The following EBF2 variants were observed in gnomAD, a reference collection of about 807,000 sequenced individuals.
EBF2 encodes the protein EBF transcription factor 2.
Under a neutral mutation model 72.8 loss-of-function variants are expected in EBF2, and 21 were observed. The observed-to-expected ratio is 0.29, with a 90% confidence interval of 0.20 to 0.42. EBF2 has a LOEUF of 0.42. Among genes scored for constraint, EBF2 ranks in the 10% least tolerant of loss-of-function variants. The probability of loss-of-function intolerance (pLI) is 1.00; values close to 1 mark genes in which losing one functional copy is unlikely to be tolerated. For synonymous variants in EBF2, 299 were observed against 274.2 expected, an observed-to-expected ratio of 1.09 and a Z score of -0.89; for missense variants, 637 against 731.2, an observed-to-expected ratio of 0.87 and a Z score of 1.49.
intron 6 of EBF2, among the ~76,000 whole-genome samples, chr8:26,000,089 C>A (rs913625681): frequency 3.3e-5 from 5 of 152,172 alleles, no homozygotes; most frequent in African/African-American, 7.2e-5. Flanking sequence ...CAGGATATTT[C>A]TGGAGTCCTA....
At chr8:25,873,124 T>C (rs1446932843) in intron 10 of EBF2, among the ~76,000 whole-genome samples, 1 of 152,222 alleles carries the variant, frequency 6.6e-6, no homozygotes, top group Non-Finnish European at 1.5e-5. Flanking sequence ...CTACGTTAAA[T>C]TCACACTTAA....
intron 10 of EBF2, among the ~76,000 whole-genome samples, chr8:25,875,361 G>A (rs1438349356): frequency 2.0e-5 from 3 of 152,124 alleles, no homozygotes; most frequent in Admixed American, 6.5e-5. Flanking sequence ...TTAGAAAAAT[G>A]GCACAAAGAA....
Position 25,983,159 on chromosome 8 carries a change from T to C in EBF2, c.551+49926A>G, listed in dbSNP as rs143584437. On this transcript the variant is annotated intron_variant, in intron 6 of 15. Coordinates refer to ENST00000520164, the MANE Select transcript of EBF2 (RefSeq NM_022659.4). ...GAACTCCCATATATCAAAAATAGTG[T>C]AGAAATGGTCGCATACATTATGTCA... 1.7e-4 allele frequency among the ~76,000 whole-genome samples: 26 copies of C among 152,212 alleles called. 1 individual carries two copies. The East Asian group carries it at 2.5e-3, about 15-fold the overall frequency.
At chr8:26,036,620 T>C (rs533907210) in intron 5 of EBF2, among the ~76,000 whole-genome samples, 42 of 152,252 alleles carry the variant, frequency 2.8e-4, no homozygotes, top group African/African-American at 9.9e-4. Context: ...TCAGTCCTCC[T>C]GCCAGCAATA....
At chr8:25,846,929 C>G (rs1303345684) in intron 15 of EBF2, among the ~76,000 whole-genome samples, 2 of 152,050 alleles carry the variant, frequency 1.3e-5, no homozygotes, top group Non-Finnish European at 2.9e-5. Context: ...TAATAATCTC[C>G]CTTTGAACCA....
chr8:25,954,062 A>G (rs1393779749), intron 6 of EBF2, among the ~76,000 whole-genome samples: 1 of 152,006 alleles, frequency 6.6e-6, no homozygotes, highest in Non-Finnish European at 1.5e-5. Context: ...CAGTGCAGAG[A>G]CTCGGGAAAA....
intron 14 of EBF2, among the ~76,000 whole-genome samples, chr8:25,854,032 T>C (rs1802035671): frequency 6.6e-6 from 1 of 152,178 alleles, no homozygotes; most frequent in Non-Finnish European, 1.5e-5. Flanking sequence ...AACAAACTTG[T>C]ATTACTTTTA....
chr8:26,038,632 T>C (rs1805545286), intron 5 of EBF2, among the ~76,000 whole-genome samples: 1 of 152,354 alleles, frequency 6.6e-6, no homozygotes, highest in Non-Finnish European at 1.5e-5. Flanking sequence ...AGGTATTATA[T>C]GAACTACATC....
At chr8:26,032,888 A>G (rs534596345) in intron 6 of EBF2, 197 bp downstream of exon 6, 1 of 581,350 alleles carries the variant, frequency 1.7e-6, no homozygotes, top group East Asian at 2.9e-5. Flanking sequence ...CCACAGATTT[A>G]GAGACACGTG....
At chr8:25,948,482 T>G (rs549417001) in intron 6 of EBF2, among the ~76,000 whole-genome samples, 1 of 151,954 alleles carries the variant, frequency 6.6e-6, no homozygotes, top group South Asian at 2.1e-4. Context: ...CCCACTCTAA[T>G]TATACCCTAT....
chr8:25,993,134 G>A (rs1232233358), intron 6 of EBF2, among the ~76,000 whole-genome samples: 3 of 152,094 alleles, frequency 2.0e-5, no homozygotes, highest in African/African-American at 7.2e-5. Flanking sequence ...AGAAGATGAG[G>A]TCATTATTCT....
rs916582658 is a variant in EBF2 at position 26,043,748 on chromosome 8, A to G, written c.131+981T>C. 3.7e-4 allele frequency among the ~76,000 whole-genome samples: 56 copies of G among 152,176 alleles called. 1 individual carries two copies. The highest frequency in any genetic ancestry group is 1.3e-3 in the African/African-American group (52 of 41,458). On this transcript the variant is annotated intron_variant, in intron 1 of 15. Coordinates refer to ENST00000520164, the MANE Select transcript of EBF2 (RefSeq NM_022659.4). ...TGGCACTTAAATGTGGGTGGCCAGG[A>G]GGGCAGCAGGGGAAGCGAGGGTAGT...
chr8:26,028,715 A>G (rs1021938539), intron 6 of EBF2, among the ~76,000 whole-genome samples: 1 of 152,258 alleles, frequency 6.6e-6, no homozygotes, highest in African/African-American at 2.4e-5. Flanking sequence ...TAAAACACAA[A>G]TGCAAATCCA....
chr8:26,022,316 G>C (rs1805215698), intron 6 of EBF2, among the ~76,000 whole-genome samples: 1 of 152,198 alleles, frequency 6.6e-6, no homozygotes, highest in Non-Finnish European at 1.5e-5. Flanking sequence ...CCAGTCTGTA[G>C]CTAAAATGAG....
At chr8:25,998,843 C>T (rs192245891) in intron 6 of EBF2, among the ~76,000 whole-genome samples, 1 of 152,262 alleles carries the variant, frequency 6.6e-6, no homozygotes, top group East Asian at 1.9e-4. Context: ...ATTGATATCT[C>T]GTTACAAGAG....
At chr8:26,015,460 C>A (rs113639725) in intron 6 of EBF2, among the ~76,000 whole-genome samples, 26 of 152,326 alleles carry the variant, frequency 1.7e-4, no homozygotes, top group African/African-American at 5.1e-4. Flanking sequence ...CAACTAGGTG[C>A]TCGCTATGCA....
At chr8:25,918,819 C>T (rs990833196) in intron 6 of EBF2, among the ~76,000 whole-genome samples, 3 of 152,110 alleles carry the variant, frequency 2.0e-5, no homozygotes, top group African/African-American at 7.2e-5. Context: ...TTGTATATAA[C>T]GTTTTATTCT....
chr8:25,850,407 C>A (rs1458472242), intron 15 of EBF2, among the ~76,000 whole-genome samples, 187 bp downstream of exon 15: 3 of 152,238 alleles, frequency 2.0e-5, no homozygotes, highest in African/African-American at 7.2e-5. Context: ...AGCCACCATG[C>A]CTGGCCCCAT....
intron 6 of EBF2, among the ~76,000 whole-genome samples, chr8:25,941,530 CT>C (rs1248274141): frequency 6.6e-6 from 1 of 152,188 alleles, no homozygotes; most frequent in Non-Finnish European, 1.5e-5. Context: ...TTCTGCTCAT[CT>C]TTCCCGTCTG....
Sources: allele counts gnomAD v4.1 joint callset (sites outside exome capture counted in the v4.1 genomes callset), GRCh38; gene constraint gnomAD v4.1.1; transcripts MANE v1.5; gene names NCBI Gene and HGNC (gene_info 2026-07-23, HGNC 2026-07-21).